Variants in FRMPD4 observed in about 807,000 individuals in gnomAD.
FRMPD4 encodes FERM and PDZ domain-containing protein 4.
Under a neutral mutation model 94.1 loss-of-function variants are expected in FRMPD4, and 22 were observed. The ratio of observed to expected loss-of-function variants is 0.23; its 90% CI spans 0.17 to 0.33. The LOEUF (loss-of-function observed/expected upper bound fraction) is 0.33, where lower values mean the gene tolerates loss of function less well. Ranked by LOEUF, FRMPD4 falls within the 10% of genes least tolerant of loss-of-function variation. FRMPD4 has a pLI of 1.00. For synonymous variants in FRMPD4, 631 were observed against 548.6 expected (o/e 1.15, Z -2.10); for missense variants, 1,111 against 1,339.9 (o/e 0.83, Z 2.67).
At chrX:12,412,432 C>T (rs1285755506) in intron 1 of FRMPD4, among the ~76,000 whole-genome samples, 2 of 112,488 alleles carry the variant, frequency 1.8e-5, no homozygotes, top group Non-Finnish European at 3.8e-5. Context: ...TTCATAAAAG[C>T]AGCAGCTTGA....
intron 10 of FRMPD4, among the ~76,000 whole-genome samples, chrX:12,703,625 T>C (rs1458171088): frequency 8.9e-6 from 1 of 112,157 alleles, no homozygotes; most frequent in African/African-American, 3.2e-5. Flanking sequence ...GAATTCAAAA[T>C]ATGGGACCTT....
chrX:11,952,827 G>A (rs1268695167), intron 3 of FRMPD4, among the ~76,000 whole-genome samples: 1 of 111,810 alleles, frequency 8.9e-6, no homozygotes, highest in East Asian at 2.8e-4. Context: ...CAGTCAAGGT[G>A]GAGACCATCA....
At chrX:12,047,840 A>G (rs150040931) in intron 3 of FRMPD4, among the ~76,000 whole-genome samples, 5,808 of 112,181 alleles carry the variant, frequency 0.052, 387 homozygotes, top group African/African-American at 0.18. Context: ...TCTTTTTTAT[A>G]GCTGCATAGT....
At chrX:11,944,834 C>A (rs1298446937) in intron 3 of FRMPD4, among the ~76,000 whole-genome samples, 1 of 112,132 alleles carries the variant, frequency 8.9e-6, no homozygotes, top group East Asian at 2.8e-4. Flanking sequence ...CTCCACAATC[C>A]CCTCCCTTCC....
At chrX:12,424,197 T>G (rs868781898) in intron 1 of FRMPD4, among the ~76,000 whole-genome samples, 4 of 112,209 alleles carry the variant, frequency 3.6e-5, no homozygotes, top group African/African-American at 1.3e-4. Context: ...CATACGACCC[T>G]TGTCATTTCT....
chrX:12,487,519 C>T (rs918122305), intron 1 of FRMPD4, among the ~76,000 whole-genome samples: 3 of 111,170 alleles, frequency 2.7e-5, no homozygotes, highest in Admixed American at 9.6e-5. Context: ...AGAGAAGAGC[C>T]GAGAAGGAGA....
intron 4 of FRMPD4, among the ~76,000 whole-genome samples, chrX:12,626,235 A>C (rs2059345563): frequency 1.8e-5 from 2 of 108,529 alleles, no homozygotes; most frequent in South Asian, 8.4e-4. Context: ...AGGCTGAGGC[A>C]GGAGAATCAC....
chrX:11,986,995 A>G (rs762980845), intron 3 of FRMPD4, among the ~76,000 whole-genome samples: 2 of 106,432 alleles, frequency 1.9e-5, no homozygotes, highest in East Asian at 5.9e-4. Flanking sequence ...ACTAATATCA[A>G]TTATACTGAA....
At chrX:12,112,857 A>G (rs954655496) in intron 3 of FRMPD4, among the ~76,000 whole-genome samples, 8 of 110,492 alleles carry the variant, frequency 7.2e-5, no homozygotes, top group African/African-American at 2.6e-4. Context: ...ATATGGGTTG[A>G]CTCTCTTCTA....
chrX:12,453,468 A>G (rs1207880678), intron 1 of FRMPD4, among the ~76,000 whole-genome samples: 1 of 112,137 alleles, frequency 8.9e-6, no homozygotes, highest in Non-Finnish European at 1.9e-5. Flanking sequence ...AACCAGCACA[A>G]TCTTTCCTGG....
At chrX:11,901,613 T>C (rs1464810320) in intron 3 of FRMPD4, among the ~76,000 whole-genome samples, 1 of 112,283 alleles carries the variant, frequency 8.9e-6, no homozygotes, top group Non-Finnish European at 1.9e-5. Flanking sequence ...AAATGCCCAG[T>C]AGTGGGACTG....
At chrX:12,668,182 A>G (rs1385299657) in intron 4 of FRMPD4, among the ~76,000 whole-genome samples, 1 of 105,690 alleles carries the variant, frequency 9.5e-6, no homozygotes, top group Non-Finnish European at 2.0e-5. Flanking sequence ...AATGGTGTAG[A>G]TCATTGTTTT....
intron 3 of FRMPD4, among the ~76,000 whole-genome samples, chrX:12,126,574 CCT>C (rs765647244): frequency 1.8e-5 from 2 of 111,262 alleles, no homozygotes; most frequent in African/African-American, 6.5e-5. Context: ...AAAGAGCCCC[CCT>C]GAGTGGTTCT....
At chrX:11,840,037 T>C (rs764526824) in intron 1 of FRMPD4, among the ~76,000 whole-genome samples, 1 of 111,773 alleles carries the variant, frequency 8.9e-6, no homozygotes, top group Non-Finnish European at 1.9e-5. Flanking sequence ...TTGTTTCTCC[T>C]TTTTCAAAAA....
chrX:11,910,697 C>T (rs934435130), intron 3 of FRMPD4, among the ~76,000 whole-genome samples: 13 of 111,876 alleles, frequency 1.2e-4, no homozygotes, highest in African/African-American at 3.3e-4. Flanking sequence ...ATTACAGGCA[C>T]GGGCCACTGT....
rs761957589 is a variant in FRMPD4 at position 12,716,590 on chromosome X, G to C, written c.2131G>C (p.Val711Leu). The C allele has an allele frequency of 6.6e-6, 8 of 1,209,769 alleles. No individual in the cohort carries two copies. In the Admixed American group the frequency reaches 1.7e-4, roughly 26 times the overall value. Residue 711 changes from valine (V) to leucine (L), a missense_variant, in exon 15 of 17, where the codon GTG becomes CTG. Coordinates refer to ENST00000675598, the MANE Select transcript of FRMPD4 (RefSeq NM_001368397.1). ...LTPEAEGIQF[V>L]ENSVYANIGD... ...TCCAGAGGCAGAGGGCATCCAGTTT[G>C]TGGAAAATTCTGTTTATGCAAACAT...
In FRMPD4 at chrX:12,722,352, C is replaced by A. The variant is rs1185972064; in HGVS notation, c.*494C>A. ...AAATAGCAAAAAGACATTTAAAATT[C>A]AAGAAGCTATTATGAATTACTAGAG... On this transcript the variant is annotated 3_prime_UTR_variant, in exon 17 of 17. Transcript: ENST00000675598. The A allele has an allele frequency of 3.6e-5, 4 of 112,041 alleles. No homozygotes were observed. The highest frequency in any genetic ancestry group is 5.6e-5 in the Non-Finnish European group (3 of 53,210). The allele number at this position is 112,041 out of a possible 1,213,427, so 9.2% of individuals were successfully genotyped here.
chrX:11,853,216 A>G (rs1259725942), intron 1 of FRMPD4, among the ~76,000 whole-genome samples: 2 of 112,027 alleles, frequency 1.8e-5, no homozygotes, highest in East Asian at 5.5e-4. Context: ...AAGATACAAC[A>G]TACCAGAATC....
intron 2 of FRMPD4, among the ~76,000 whole-genome samples, chrX:12,563,695 A>G (rs1359398547): frequency 8.9e-6 from 1 of 111,784 alleles, no homozygotes; most frequent in Non-Finnish European, 1.9e-5. Context: ...TCAACACACA[A>G]CTTTACCTGC....
Sources: gnomAD v4.1 joint callset for allele counts (sites outside exome capture counted in the v4.1 genomes callset) on GRCh38, gnomAD v4.1.1 for gene constraint, MANE v1.5 for transcripts, NCBI Gene and HGNC (gene_info 2026-07-23, HGNC 2026-07-21) for gene names.